The following HOXC5 variants were observed in gnomAD, a reference collection of about 807,000 sequenced individuals.
HOXC5 encodes homeobox protein Hox-C5.
A neutral mutation model predicts 20.1 loss-of-function variants in HOXC5; 19 were observed. That is an observed-to-expected ratio of 0.94 (90% confidence interval 0.66 to 1.38). The LOEUF is 1.38. HOXC5 is among the 40% of genes most tolerant of loss of function. The probability of loss-of-function intolerance (pLI) is 0.00; values close to 1 mark genes in which losing one functional copy is unlikely to be tolerated. For missense variants in HOXC5, 330 were observed against 300.1 expected (o/e 1.10, Z -0.74); for synonymous variants, 124 against 117.0 (o/e 1.06, Z -0.39).
At chr12:54,022,995 T>G in the HOXC5 span, among the ~76,000 whole-genome samples, 1 of 152,168 alleles carries the variant, frequency 6.6e-6, no homozygotes, top group Admixed American at 6.5e-5. Context: ...GAAAATATTC[T>G]GGATATTCTG....
upstream of HOXC5, chr12:54,028,926 G>C (rs1231123807): frequency 3.7e-6 from 6 of 1,601,650 alleles, no homozygotes; most frequent in Non-Finnish European, 5.1e-6. Context: ...ACAGTGGTGA[G>C]TTTTACAGCT....
chr12:54,018,485 C>T, the HOXC5 span, among the ~76,000 whole-genome samples: 1 of 152,164 alleles, frequency 6.6e-6, no homozygotes, highest in African/African-American at 2.4e-5. Flanking sequence ...CAGCCTGGGG[C>T]GGCGGGAGGG....
intron 1 of HOXC5, 151 bp from the exon 2 acceptor site, chr12:54,034,127 G>A: frequency 1.3e-6 from 1 of 774,414 alleles, no homozygotes; most frequent in Non-Finnish European, 2.3e-6. Context: ...GGGCTGGGCT[G>A]GGCTGGCCCG....
In HOXC5 at chr12:54,033,367, C is replaced by T. The variant is rs752909041; in HGVS notation, c.245C>T (p.Pro82Leu). The T allele has an allele frequency of 8.7e-6, 14 of 1,612,778 alleles. No homozygotes were observed. Among genetic ancestry groups the T allele is most frequent in the Non-Finnish European group, 1.2e-5 (14 of 1,179,392 alleles). ...DRPACSAAAA[P>L]GHAPGRDEAA... ...CCCGCCTGCAGCGCCGCGGCCGCTC[C>T]GGGACACGCTCCGGGCAGAGACGAA... The change falls in exon 1 of 2, where the codon CCG becomes CTG. Residue 82 changes from proline (P) to leucine (L), a missense_variant. Physicochemically the swap from Pro to Leu is moderately conservative, Grantham distance 98 (BLOSUM62 -3). Transcript: ENST00000312492.
At chr12:54,029,765 C>G, upstream of HOXC5, 1 of 1,614,092 alleles carries the variant, frequency 6.2e-7, no homozygotes, top group South Asian at 1.1e-5. Flanking sequence ...GCGGCGCCGG[C>G]GCATCGAGAT....
the HOXC5 span, among the ~76,000 whole-genome samples, chr12:54,017,778 C>T: frequency 6.6e-6 from 1 of 152,140 alleles, no homozygotes; most frequent in Non-Finnish European, 1.5e-5. Flanking sequence ...GGAACTGGGT[C>T]GGAGCGGAAC....
Position 54,035,254 on chromosome 12 carries a change from A to T in HOXC5, c.*762A>T, listed in dbSNP as rs185833901. ...TTGCTGTCCCATAGTCCCTGCCACG[A>T]ATTTCTGTGCCCTCCTGACCCATTG... is the stretch of plus-strand genomic sequence containing the variant. On this transcript the variant is annotated 3_prime_UTR_variant, in exon 2 of 2. Coordinates refer to ENST00000312492, the MANE Select transcript of HOXC5 (RefSeq NM_018953.4). 6 of 152,890 alleles carry T rather than the reference A, an allele frequency of 3.9e-5. No individual in the cohort carries two copies. In the East Asian group the frequency reaches 9.6e-4, roughly 25 times the overall value. 9.5% of individuals were successfully genotyped at this position (152,890 alleles called of 1,614,324 possible).
chr12:54,023,746 A>T, the HOXC5 span, among the ~76,000 whole-genome samples: 42 of 152,164 alleles, frequency 2.8e-4, no homozygotes, highest in Admixed American at 1.3e-3. Context: ...TCCATGCCTA[A>T]ACTTTGAAAG....
upstream of HOXC5, chr12:54,030,174 C>A: frequency 1.9e-6 from 1 of 514,472 alleles, no homozygotes; most frequent in South Asian, 3.3e-5. Context: ...CTCCTCCTCG[C>A]TCCCTTGCTA....
At chr12:54,018,473 G>A in the HOXC5 span, among the ~76,000 whole-genome samples, 3 of 152,248 alleles carry the variant, frequency 2.0e-5, no homozygotes, top group African/African-American at 7.2e-5. Flanking sequence ...GGGTAGAGGC[G>A]TCAGCCTGGG....
chr12:54,025,603 T>A, the HOXC5 span, among the ~76,000 whole-genome samples: 3 of 151,916 alleles, frequency 2.0e-5, no homozygotes, highest in Admixed American at 6.6e-5. Context: ...GTATTTCTGT[T>A]TCCCCTTCTC....
chr12:54,031,571 C>G (rs1940988927), upstream of HOXC5, among the ~76,000 whole-genome samples: 1 of 152,190 alleles, frequency 6.6e-6, no homozygotes, highest in Non-Finnish European at 1.5e-5. Flanking sequence ...CTGGCCTTCT[C>G]TCTCCAAGCC....
the HOXC5 span, among the ~76,000 whole-genome samples, chr12:54,023,782 G>A: frequency 1.4e-4 from 22 of 152,268 alleles, no homozygotes; most frequent in Admixed American, 4.6e-4. Context: ...TTGGAATGCG[G>A]TGTGTGTAGC....
the HOXC5 span, among the ~76,000 whole-genome samples, chr12:54,026,702 A>G: frequency 6.6e-6 from 1 of 152,162 alleles, no homozygotes; most frequent in East Asian, 1.9e-4. Context: ...ATTAACTAAC[A>G]TGTTGTCTCC....
At chr12:54,017,264 A>C in the HOXC5 span, 1 of 152,142 alleles carries the variant, frequency 6.6e-6, no homozygotes, top group Non-Finnish European at 1.5e-5. Flanking sequence ...GATGATTATA[A>C]TTATTTTTAT....
At chr12:54,023,798 C>T in the HOXC5 span, among the ~76,000 whole-genome samples, 1 of 152,090 alleles carries the variant, frequency 6.6e-6, no homozygotes, top group Non-Finnish European at 1.5e-5. Context: ...GTAGCGGGGG[C>T]AGGTATGTGC....
intron 1 of HOXC5, chr12:54,034,041 C>A (rs1350165839): frequency 5.9e-5 from 41 of 697,178 alleles, no homozygotes; most frequent in Non-Finnish European, 7.3e-5. Flanking sequence ...TCCCCCCAAC[C>A]CCCCCTCAGC....
chr12:54,023,923 C>A, the HOXC5 span, among the ~76,000 whole-genome samples: 1 of 152,184 alleles, frequency 6.6e-6, no homozygotes, highest in Non-Finnish European at 1.5e-5. Context: ...GACCAGGAGG[C>A]TCTTTGCGAT....
At chr12:54,027,593 G>C in the HOXC5 span, among the ~76,000 whole-genome samples, 1 of 151,940 alleles carries the variant, frequency 6.6e-6, no homozygotes, top group Non-Finnish European at 1.5e-5. Flanking sequence ...TTCCCCCTCC[G>C]GTGCCACCTC....
Sources: gnomAD v4.1 joint callset for allele counts (sites outside exome capture counted in the v4.1 genomes callset) on GRCh38, gnomAD v4.1.1 for gene constraint, MANE v1.5 for transcripts, NCBI Gene and HGNC (gene_info 2026-07-23, HGNC 2026-07-21) for gene names.